The following TOX3 variants were observed in gnomAD, a reference collection of about 807,000 sequenced individuals.
TOX3 encodes the protein TOX high mobility group box family member 3, also known as CAG trinucleotide repeat-containing gene F9 protein.
A neutral mutation model predicts 64.3 loss-of-function variants in TOX3; 22 were observed. That is an observed-to-expected ratio of 0.34 (90% CI 0.24 to 0.49). The LOEUF is 0.49. Among genes scored for constraint, TOX3 ranks in the 20% least tolerant of loss-of-function variants. The pLI, the probability that TOX3 is intolerant of heterozygous loss-of-function variation, is 0.99. For synonymous variants in TOX3, 291 were observed against 273.6 expected (o/e 1.06, Z -0.63); for missense variants, 661 against 714.4 (o/e 0.93, Z 0.85).
chr16:52,543,749 TCTC>T (rs1327189926), intron 1 of TOX3, among the ~76,000 whole-genome samples: 1 of 152,166 alleles, frequency 6.6e-6, no homozygotes, highest in African/African-American at 2.4e-5. Context: ...TTGAAGTTAT[TCTC>T]CTACTTGCAA....
chr16:52,438,232 T>C lies in TOX3; in HGVS notation c.*993A>G, dbSNP rs113577155. 1.6e-4 allele frequency: 24 copies of C among 152,784 alleles called. No individual in the cohort carries two copies. The highest frequency in any genetic ancestry group is 5.8e-4 in the African/African-American group (24 of 41,576). The allele number at this position is 152,784 out of a possible 1,614,324, so 9.5% of individuals were successfully genotyped here. On this transcript the variant is annotated 3_prime_UTR_variant, in exon 7 of 7. Coordinates refer to ENST00000219746, the MANE Select transcript of TOX3 (RefSeq NM_001080430.4). Reference sequence around the variant, plus strand: ...GCAACGTAGCAATGAATGGTTTATGTCACCAGTGTTTACGTTAAAGCCTCA... The same window carrying C: ...GCAACGTAGCAATGAATGGTTTATGCCACCAGTGTTTACGTTAAAGCCTCA...
At chr16:52,518,288 A>G (rs556043420) in intron 1 of TOX3, among the ~76,000 whole-genome samples, 2 of 152,328 alleles carry the variant, frequency 1.3e-5, no homozygotes, top group East Asian at 3.9e-4. Flanking sequence ...CTGCACTCCC[A>G]CAAGCTGCCC....
intron 1 of TOX3, among the ~76,000 whole-genome samples, chr16:52,519,945 T>C (rs920456374): frequency 2.0e-5 from 3 of 146,360 alleles, no homozygotes; most frequent in Non-Finnish European, 4.5e-5. Flanking sequence ...CACTCCAGCC[T>C]GCGTGACAGA....
chr16:52,447,394 G>A (rs1041580543), intron 4 of TOX3, among the ~76,000 whole-genome samples: 2 of 151,962 alleles, frequency 1.3e-5, no homozygotes, highest in Non-Finnish European at 2.9e-5. Flanking sequence ...TCTAAATGAG[G>A]GTCATTTGGA....
chr16:52,478,181 A>G (rs1464146824), intron 1 of TOX3, among the ~76,000 whole-genome samples: 3 of 152,224 alleles, frequency 2.0e-5, no homozygotes, highest in Non-Finnish European at 4.4e-5. Context: ...AGTAAAATTC[A>G]AACTCCTTGC....
intron 1 of TOX3, among the ~76,000 whole-genome samples, chr16:52,524,594 G>A (rs1216184612): frequency 6.6e-6 from 1 of 152,072 alleles, no homozygotes; most frequent in Non-Finnish European, 1.5e-5. Flanking sequence ...TTCCCACAGA[G>A]GGCTGAAAGG....
chr16:52,535,228 G>C (rs1043754074), intron 1 of TOX3, among the ~76,000 whole-genome samples: 8 of 152,176 alleles, frequency 5.3e-5, no homozygotes. Context: ...ACTACCTGGT[G>C]TCCCTTCCTC....
chr16:52,544,304 C>A (rs1303378029), intron 1 of TOX3, among the ~76,000 whole-genome samples: 4 of 152,152 alleles, frequency 2.6e-5, no homozygotes, highest in East Asian at 1.9e-4. Context: ...TGCTTTATAC[C>A]CATAAAGTTA....
At chr16:52,522,822 GTTTGTTT>G (rs999108269) in intron 1 of TOX3, among the ~76,000 whole-genome samples, 1 of 152,066 alleles carries the variant, frequency 6.6e-6, no homozygotes, top group Admixed American at 6.5e-5. Context: ...TTTTTTGTTT[GTTTGTTT>G]TTTGTTTTTT....
At chr16:52,526,452 A>G (rs1962728496) in intron 1 of TOX3, among the ~76,000 whole-genome samples, 1 of 152,070 alleles carries the variant, frequency 6.6e-6, no homozygotes, top group Non-Finnish European at 1.5e-5. Flanking sequence ...CCTGAACAAA[A>G]TAAGTGTTAA....
At chr16:52,469,971 C>T (rs986761219) in intron 1 of TOX3, among the ~76,000 whole-genome samples, 2 of 152,084 alleles carry the variant, frequency 1.3e-5, no homozygotes. Flanking sequence ...ATGAGTCATC[C>T]GACAAGCTCT....
chr16:52,472,085 C>T (rs954742780), intron 1 of TOX3, among the ~76,000 whole-genome samples: 6 of 152,108 alleles, frequency 3.9e-5, no homozygotes, highest in Admixed American at 3.9e-4. Flanking sequence ...GAAATGGTTC[C>T]ATGGTCCAGT....
chr16:52,440,508 A>G (rs1302929807), intron 6 of TOX3, among the ~76,000 whole-genome samples: 1 of 152,194 alleles, frequency 6.6e-6, no homozygotes, highest in African/African-American at 2.4e-5. Context: ...GTTGTTACAC[A>G]GCACTATTGT....
At chr16:52,493,122 T>A (rs1961742016) in intron 1 of TOX3, among the ~76,000 whole-genome samples, 2 of 152,158 alleles carry the variant, frequency 1.3e-5, no homozygotes, top group African/African-American at 4.8e-5. Flanking sequence ...ACAAAAGAAA[T>A]AGGCACCTGG....
intron 3 of TOX3, among the ~76,000 whole-genome samples, chr16:52,456,766 A>T (rs1473865365): frequency 6.6e-6 from 1 of 152,236 alleles, no homozygotes; most frequent in African/African-American, 2.4e-5. Context: ...ACTCATGGCC[A>T]ATAGAATGCC....
At chr16:52,492,661 A>G (rs917676170) in intron 1 of TOX3, among the ~76,000 whole-genome samples, 3 of 147,002 alleles carry the variant, frequency 2.0e-5, no homozygotes. Context: ...TGAATCTGAG[A>G]CCTAAGACAG....
At chr16:52,545,184 A>C (rs1963149019) in intron 1 of TOX3, among the ~76,000 whole-genome samples, 1 of 152,226 alleles carries the variant, frequency 6.6e-6, no homozygotes, top group South Asian at 2.1e-4. Flanking sequence ...CTCTGGCTCC[A>C]GCGATCGGCC....
At chr16:52,491,334 G>A (rs1258084180) in intron 1 of TOX3, among the ~76,000 whole-genome samples, 1 of 152,086 alleles carries the variant, frequency 6.6e-6, no homozygotes, top group African/African-American at 2.4e-5. Flanking sequence ...ACTGGACTAT[G>A]ATTGGTTTCT....
In TOX3 at chr16:52,439,536, G is replaced by T; in HGVS notation, c.1420C>A (p.Gln474Lys). Residue 474 changes from glutamine (Q) to lysine (K), a missense_variant, in exon 7 of 7, where the codon CAG becomes AAG. Physicochemically the swap from Gln to Lys is moderately conservative, Grantham distance 53. This residue lies in a region of TOX3 where 299 missense variants were observed against 292.1 expected (regional missense o/e 1.02). Coordinates refer to ENST00000219746, the MANE Select transcript of TOX3 (RefSeq NM_001080430.4). ...LQQHQMHQQI[Q>K]QQMQQQHFQH... ...AAATGCTGCTGCTGCATCTGCTGCT[G>T]GATTTGCTGATGCATTTGGTGCTGC... 1 of 1,452,096 alleles carries T rather than the reference G, an allele frequency of 6.9e-7. No individual in the cohort carries two copies. Among genetic ancestry groups the T allele is most frequent in the Non-Finnish European group, 9.5e-7 (1 of 1,054,504 alleles). The allele number at this position is 1,452,096 out of a possible 1,614,324, so 90.0% of individuals were successfully genotyped here.
Sources: gnomAD v4.1 joint callset for allele counts (sites outside exome capture counted in the v4.1 genomes callset) on GRCh38, gnomAD v4.1.1 for gene constraint, gnomAD v4.1.1 regional missense constraint, MANE v1.5 for transcripts, NCBI Gene and HGNC (gene_info 2026-07-23, HGNC 2026-07-21) for gene names.